ELMOD1: variants seen among roughly 807,000 people sequenced by gnomAD.
ELMOD1 encodes the protein ELMO domain containing 1.
In ELMOD1, 21 loss-of-function variants were observed where a neutral mutation model predicts 46.7. The observed-to-expected ratio is 0.45, with a 90% CI of 0.32 to 0.65. The LOEUF is 0.65. Among genes scored for constraint, ELMOD1 ranks in the 30% least tolerant of loss-of-function variants. The pLI is 0.04. For missense variants in ELMOD1, 348 were observed against 407.8 expected, an observed-to-expected ratio of 0.85 and a Z score of 1.26; for synonymous variants, 122 against 138.2, an observed-to-expected ratio of 0.88 and a Z score of 0.82.
chr11:107,650,799 T>TTTTC (rs1447383975), intron 8 of ELMOD1, 86 bp from the exon 9 acceptor site: 38 of 911,312 alleles, frequency 4.2e-5, no homozygotes, highest in Non-Finnish European at 5.2e-5. Flanking sequence ...AAGGCTTTTT[T>TTTTC]TTTCTTTCTT....
At chr11:107,645,089 A>ATTTTTTTTTTTT (rs11390120) in intron 6 of ELMOD1, among the ~76,000 whole-genome samples, 33 of 103,204 alleles carry the variant, frequency 3.2e-4, no homozygotes, top group Non-Finnish European at 4.1e-4. Context: ...TGCCTGGCTA[A>ATTTTTTTTTTTT]TTTTTTTTTT....
At chr11:107,610,543 A>T (rs952903127) in intron 1 of ELMOD1, among the ~76,000 whole-genome samples, 1 of 151,946 alleles carries the variant, frequency 6.6e-6, no homozygotes, top group East Asian at 1.9e-4. Context: ...GTATGCCTGT[A>T]ATCTGAGCTA....
In ELMOD1 at chr11:107,648,032, AT is replaced by A. The variant is rs557480436; in HGVS notation, c.554+432del. Among the ~76,000 whole-genome samples, 188 of 152,346 alleles carry A rather than the reference AT, an allele frequency of 1.2e-3. 1 individual carries two copies. The highest frequency in any genetic ancestry group is 0.01 in the Middle Eastern group (3 of 294). On this transcript the variant is annotated intron_variant, in intron 7 of 11. Coordinates refer to ENST00000265840, the MANE Select transcript of ELMOD1 (RefSeq NM_018712.4). The stretch of plus-strand genomic sequence containing the variant: ...TATTTTAATATGTAGTTCTAAAAAA[AT>A]ATAAATATTACCTCACATTCACCAC...
chr11:107,664,057 C>T (rs1866792942), intron 11 of ELMOD1, among the ~76,000 whole-genome samples: 5 of 152,142 alleles, frequency 3.3e-5, no homozygotes, highest in Admixed American at 3.3e-4. Flanking sequence ...GCAATCACAG[C>T]TCATTGCAGC....
At chr11:107,647,626 GT>G (rs1431820852) in intron 7 of ELMOD1, 25 bp downstream of exon 7, 3 of 1,604,710 alleles carry the variant, frequency 1.9e-6, no homozygotes, top group Non-Finnish European at 2.6e-6. Context: ...GGACAGCTAA[GT>G]GTTCGAGTGA....
At chr11:107,598,292 G>A (rs1264314839) in intron 1 of ELMOD1, among the ~76,000 whole-genome samples, 1 of 152,144 alleles carries the variant, frequency 6.6e-6, no homozygotes, top group African/African-American at 2.4e-5. Flanking sequence ...GGCAAGAAAA[G>A]ACTAATGGCC....
Position 107,665,198 on chromosome 11 carries a change from T to C in ELMOD1, c.*1T>C. 1 of 1,613,722 alleles carries C rather than the reference T, an allele frequency of 6.2e-7. No homozygotes were observed. The highest frequency in any genetic ancestry group is 8.5e-7 in the Non-Finnish European group (1 of 1,179,742). On this transcript the variant is annotated 3_prime_UTR_variant, in exon 12 of 12. Transcript: ENST00000265840. ...CTCGGAAGGTTTAATCAACATGTAG[T>C]TGCCCACGCCGGTTTTAATGGATAC...
rs923041574 is a variant in ELMOD1 at position 107,593,575 on chromosome 11, A to G, written c.-86+2166A>G. ...TTGCGGAGCTTGCATACAAATCCCC[A>G]GGTGCATTAAAGGAAGCGTTCTCCG... is the stretch of plus-strand genomic sequence containing the variant. On this transcript the variant is annotated intron_variant, in intron 1 of 11. Coordinates refer to ENST00000265840, the MANE Select transcript of ELMOD1 (RefSeq NM_018712.4). 2.0e-5 allele frequency among the ~76,000 whole-genome samples: 3 copies of G among 152,216 alleles called. No individual in the cohort carries two copies. In the East Asian group the frequency reaches 5.8e-4, roughly 29 times the overall value.
intron 1 of ELMOD1, among the ~76,000 whole-genome samples, chr11:107,606,587 C>T (rs1865688270): frequency 6.6e-6 from 1 of 152,212 alleles, no homozygotes; most frequent in Non-Finnish European, 1.5e-5. Context: ...ATAATCCCAG[C>T]ATTTTGGGAG....
At chr11:107,639,252 A>C (rs2155357) in intron 6 of ELMOD1, among the ~76,000 whole-genome samples, 1 of 152,018 alleles carries the variant, frequency 6.6e-6, no homozygotes, top group Non-Finnish European at 1.5e-5. Context: ...CCACATGTTT[A>C]AGTGCTTGGC....
intron 1 of ELMOD1, among the ~76,000 whole-genome samples, chr11:107,612,646 A>G (rs1865799616): frequency 6.6e-6 from 1 of 152,188 alleles, no homozygotes. Context: ...AAAATAATTC[A>G]AAGGGCATTT....
At chr11:107,664,345 AAAGCAC>A in intron 11 of ELMOD1, among the ~76,000 whole-genome samples, 1 of 152,296 alleles carries the variant, frequency 6.6e-6, no homozygotes, top group Middle Eastern at 3.4e-3. Context: ...AATGGGGAAC[AAAGCAC>A]AATGAATAGG....
chr11:107,602,906 C>A (rs959989938), intron 1 of ELMOD1, among the ~76,000 whole-genome samples: 4 of 152,020 alleles, frequency 2.6e-5, no homozygotes, highest in African/African-American at 9.7e-5. Context: ...GGGGCTAATG[C>A]TTCTTTGGGG....
chr11:107,655,865 C>T (rs1161357954), intron 10 of ELMOD1, 68 bp from the exon 11 acceptor site: 8 of 1,510,380 alleles, frequency 5.3e-6, no homozygotes, highest in African/African-American at 2.8e-5. Flanking sequence ...TGTCTTTTAG[C>T]ATGCTAATGG....
rs137939179 is a variant in ELMOD1 at position 107,628,561 on chromosome 11, G to GT, written c.18-1846dup. 5.1e-3 allele frequency among the ~76,000 whole-genome samples: 746 copies of GT among 145,226 alleles called. 7 individuals carry two copies. The highest frequency in any genetic ancestry group is 6.0e-3 in the Non-Finnish European group (395 of 65,760). The stretch of plus-strand genomic sequence containing the variant: ...TTTTGTTGTTGTTGTTTTTTGGGGT[G>GT]TTTTTTTTTTGGAAGCTGTTAAACT... On this transcript the variant is annotated intron_variant, in intron 2 of 11. Coordinates refer to ENST00000265840, the MANE Select transcript of ELMOD1 (RefSeq NM_018712.4).
chr11:107,621,030 A>G (rs1022876980), intron 2 of ELMOD1, among the ~76,000 whole-genome samples: 1 of 152,250 alleles, frequency 6.6e-6, no homozygotes, highest in Non-Finnish European at 1.5e-5. Flanking sequence ...AATTCAGTTG[A>G]TGTGTATAAC....
Position 107,618,173 on chromosome 11 carries a change from C to G in ELMOD1, c.-17C>G. The G allele has an allele frequency of 1.3e-6, 2 of 1,566,564 alleles. No homozygotes were observed. The highest frequency in any genetic ancestry group is 1.7e-6 in the Non-Finnish European group (2 of 1,154,654). On this transcript the variant is annotated 5_prime_UTR_variant, in exon 2 of 12. Transcript: ENST00000265840. ...GAGGACAGTTCATATAGCATCTGGA[C>G]AGTCAACACGGGCACCATGAAGCAC...
At chr11:107,643,498 G>T in intron 6 of ELMOD1, 1 of 353,336 alleles carries the variant, frequency 2.8e-6, no homozygotes, top group East Asian at 7.8e-5. Flanking sequence ...AGAAGACACA[G>T]CACCATCAAG....
In ELMOD1 at chr11:107,644,191, G is replaced by A. The variant is rs573519825; in HGVS notation, c.421-3277G>A. Among the ~76,000 whole-genome samples the A allele has an allele frequency of 2.8e-3, 431 of 152,040 alleles. 2 individuals are homozygous for A. Among genetic ancestry groups the A allele is most frequent in the Non-Finnish European group, 4.9e-3 (336 of 67,992 alleles). ...CACACCTGTAGTCCCAGCTACTTGG[G>A]AGGCTGAGGCACAAGAATCCCTTGT... On this transcript the variant is annotated intron_variant, in intron 6 of 11. Coordinates refer to ENST00000265840, the MANE Select transcript of ELMOD1 (RefSeq NM_018712.4).
Sources: gnomAD v4.1 joint callset for allele counts (sites outside exome capture counted in the v4.1 genomes callset) on GRCh38, gnomAD v4.1.1 for gene constraint, MANE v1.5 for transcripts, NCBI Gene and HGNC (gene_info 2026-07-23, HGNC 2026-07-21) for gene names.